The following PKP2 variants were observed in gnomAD, a reference collection of about 807,000 sequenced individuals.
PKP2 encodes plakophilin-2.
In PKP2, 73 loss-of-function variants were observed where a neutral mutation model predicts 83.4. The observed-to-expected ratio is 0.88, with a 90% CI of 0.72 to 1.06. PKP2 has a LOEUF of 1.06. Among genes scored for constraint, PKP2 ranks in the 50% least tolerant of loss-of-function variants. The pLI, the probability that PKP2 is intolerant of heterozygous loss-of-function variation, is 0.00. For missense variants in PKP2, 966 were observed against 1,065.4 expected (o/e 0.91, Z 1.30); for synonymous variants, 409 against 430.4 (o/e 0.95, Z 0.62).
chr12:32,802,958 C>T (rs371026505), intron 9 of PKP2, among the ~76,000 whole-genome samples: 4 of 151,928 alleles, frequency 2.6e-5, no homozygotes, highest in African/African-American at 4.8e-5. Flanking sequence ...CATGCCCAGC[C>T]GAAGATGTTT....
chr12:32,814,822 G>A (rs564325171), intron 9 of PKP2, among the ~76,000 whole-genome samples: 4 of 152,150 alleles, frequency 2.6e-5, no homozygotes, highest in African/African-American at 9.6e-5. Context: ...CTACTTGGGA[G>A]GCTGAGGTAG....
chr12:32,816,280 G>T (rs1840396), intron 9 of PKP2, among the ~76,000 whole-genome samples: 91,245 of 151,938 alleles, frequency 0.6, 30,046 homozygotes, highest in Non-Finnish European at 0.77. Context: ...GTTGCCATCT[G>T]TATGTCCATG....
chr12:32,796,859 A>G (rs2137710933), intron 10 of PKP2, among the ~76,000 whole-genome samples: 1 of 152,364 alleles, frequency 6.6e-6, no homozygotes, highest in Non-Finnish European at 1.5e-5. Flanking sequence ...CAAGAACTTA[A>G]AACATTTTCA....
At chr12:32,861,908 T>G (rs1409014827) in intron 4 of PKP2, among the ~76,000 whole-genome samples, 1 of 152,132 alleles carries the variant, frequency 6.6e-6, no homozygotes. Flanking sequence ...CTTTCTTTCT[T>G]TGAGACAGAG....
chr12:32,890,609 A>G (rs1957068701), intron 1 of PKP2, among the ~76,000 whole-genome samples: 1 of 152,208 alleles, frequency 6.6e-6, no homozygotes, highest in African/African-American at 2.4e-5. Flanking sequence ...AAACACTTTA[A>G]GAACATTACA....
chr12:32,817,184 A>T (rs1956327965), intron 9 of PKP2, among the ~76,000 whole-genome samples: 1 of 152,260 alleles, frequency 6.6e-6, no homozygotes. Context: ...CAATGGGGAA[A>T]GGACTCCCTA....
intron 1 of PKP2, among the ~76,000 whole-genome samples, chr12:32,880,932 T>C (rs931718196): frequency 2.6e-5 from 4 of 152,208 alleles, no homozygotes; most frequent in African/African-American, 9.7e-5. Flanking sequence ...AGGGAAAATA[T>C]ACTCAATTAA....
intron 9 of PKP2, among the ~76,000 whole-genome samples, chr12:32,812,334 C>T (rs1405225097): frequency 2.6e-5 from 4 of 151,962 alleles, no homozygotes; most frequent in East Asian, 1.9e-4. Context: ...CTCACTTCCA[C>T]GGTAACATGG....
intron 5 of PKP2, among the ~76,000 whole-genome samples, chr12:32,845,910 GT>G (rs1314147993): frequency 6.6e-6 from 1 of 152,080 alleles, no homozygotes; most frequent in Non-Finnish European, 1.5e-5. Flanking sequence ...CGTATTCCAA[GT>G]TATATATAAA....
chr12:32,840,320 A>G (rs1159981689), intron 6 of PKP2, among the ~76,000 whole-genome samples: 1 of 152,104 alleles, frequency 6.6e-6, no homozygotes, highest in African/African-American at 2.4e-5. Context: ...ATTTTTTGAG[A>G]CAGGGTCTTG....
chr12:32,802,180 A>T (rs1592729351), intron 10 of PKP2, among the ~76,000 whole-genome samples: 8 of 150,554 alleles, frequency 5.3e-5, no homozygotes, highest in Admixed American at 4.0e-4. Flanking sequence ...TTTTGTAGTA[A>T]TTTTTTTTTT....
At chr12:32,842,238 ATCTT>A (rs1392192721) in intron 5 of PKP2, among the ~76,000 whole-genome samples, 3 of 151,806 alleles carry the variant, frequency 2.0e-5, no homozygotes, top group Admixed American at 1.3e-4. Context: ...TTGCCTCGTC[ATCTT>A]TCTTTCTTTT....
chr12:32,822,683 G>C (rs755227723), intron 7 of PKP2, 52 bp from the exon 8 acceptor site: 6 of 1,581,916 alleles, frequency 3.8e-6, no homozygotes, highest in Non-Finnish European at 5.2e-6. Flanking sequence ...TATCCTTGCA[G>C]GTGTGATATC....
In PKP2 at chr12:32,794,152, G is replaced by A. The variant is rs77784966; in HGVS notation, c.2358-1421C>T. Among the ~76,000 whole-genome samples, 939 of 152,284 alleles carry A rather than the reference G, an allele frequency of 6.2e-3. 17 individuals carry two copies. Among genetic ancestry groups the A allele is most frequent in the African/African-American group, 0.022 (915 of 41,548 alleles). On this transcript the variant is annotated intron_variant, in intron 11 of 12. Coordinates refer to ENST00000340811, the MANE Select transcript of PKP2 (RefSeq NM_001005242.3). ...CTCCTCCATACTAGCCTGGCAGGGAGGAGCAGTCAAATCAGCACTTATTAG... is the reference window on the plus strand; with the variant it reads ...CTCCTCCATACTAGCCTGGCAGGGAAGAGCAGTCAAATCAGCACTTATTAG...
intron 6 of PKP2, among the ~76,000 whole-genome samples, chr12:32,839,768 G>A (rs1001925018): frequency 3.9e-5 from 6 of 152,150 alleles, no homozygotes; most frequent in African/African-American, 7.2e-5. Context: ...ACTTTAAGAC[G>A]TGAAATATGT....
At chr12:32,879,140 CCAAGAA>C in intron 1 of PKP2, 108 bp from the exon 2 acceptor site, 1 of 723,326 alleles carries the variant, frequency 1.4e-6, no homozygotes, top group Non-Finnish European at 2.5e-6. Context: ...GTAATGAAGG[CCAAGAA>C]CAAGTATTAA....
At chr12:32,835,385 T>C (rs1419416280) in intron 6 of PKP2, among the ~76,000 whole-genome samples, 2 of 152,070 alleles carry the variant, frequency 1.3e-5, no homozygotes, top group Non-Finnish European at 2.9e-5. Context: ...CTAAGCCTAT[T>C]ATATAAATAT....
intron 1 of PKP2, among the ~76,000 whole-genome samples, chr12:32,888,211 T>C (rs1342816985): frequency 6.6e-6 from 1 of 152,202 alleles, no homozygotes; most frequent in Non-Finnish European, 1.5e-5. Context: ...TTTCTGTAAC[T>C]GTGTCTTTAC....
intron 4 of PKP2, among the ~76,000 whole-genome samples, chr12:32,862,453 C>A (rs1027194546): frequency 2.6e-5 from 4 of 151,394 alleles, no homozygotes; most frequent in African/African-American, 4.9e-5. Flanking sequence ...TTGAGACCAG[C>A]CTGACCAACA....
Sources: gnomAD v4.1 joint callset for allele counts (sites outside exome capture counted in the v4.1 genomes callset) on GRCh38, gnomAD v4.1.1 for gene constraint, MANE v1.5 for transcripts, NCBI Gene and HGNC (gene_info 2026-07-23, HGNC 2026-07-21) for gene names.